ARHGAP17: variants seen among roughly 807,000 people sequenced by gnomAD.
ARHGAP17 encodes the protein rho GTPase-activating protein 17.
A neutral mutation model predicts 99.5 loss-of-function variants in ARHGAP17; 57 were observed. The observed-to-expected ratio is 0.57, with a 90% CI of 0.46 to 0.71. The LOEUF (loss-of-function observed/expected upper bound fraction) is 0.71, where lower values mean the gene tolerates loss of function less well. Ranked by LOEUF, ARHGAP17 falls within the 30% of genes least tolerant of loss-of-function variation. The pLI is 0.00. For synonymous variants in ARHGAP17, 417 were observed against 429.6 expected, an observed-to-expected ratio of 0.97 and a Z score of 0.36; for missense variants, 1,000 against 1,122.4, an observed-to-expected ratio of 0.89 and a Z score of 1.56.
intron 10 of ARHGAP17, 23 bp from the exon 11 acceptor site, chr16:24,953,065 A>C (rs1378029470): frequency 6.2e-7 from 1 of 1,610,566 alleles, no homozygotes; most frequent in Non-Finnish European, 8.5e-7. Context: ...AAAAGCCATC[A>C]GCATCAAGTG....
At chr16:24,947,660 G>T in intron 13 of ARHGAP17, 65 bp from the exon 14 acceptor site, 1 of 1,401,350 alleles carries the variant, frequency 7.1e-7, no homozygotes, top group Non-Finnish European at 1.0e-6. Context: ...TTCTCTTCCT[G>T]CCTGGGTGCA....
At chr16:24,993,737 G>A (rs550163620) in intron 1 of ARHGAP17, among the ~76,000 whole-genome samples, 96 of 152,204 alleles carry the variant, frequency 6.3e-4, no homozygotes, top group African/African-American at 2.2e-3. Flanking sequence ...GAGTACCTTC[G>A]AGGCCATGGA....
At chr16:24,922,617 G>A (rs532249330) in intron 19 of ARHGAP17, among the ~76,000 whole-genome samples, 2 of 152,016 alleles carry the variant, frequency 1.3e-5, no homozygotes, top group African/African-American at 4.8e-5. Context: ...AAAGAATTAC[G>A]GCAACCTGTA....
At chr16:24,950,836 C>CAAAAAAAA (rs1177614713) in intron 12 of ARHGAP17, among the ~76,000 whole-genome samples, 118 of 38,946 alleles carry the variant, frequency 3.0e-3, no homozygotes, top group East Asian at 4.2e-3. Flanking sequence ...GACTCCAACT[C>CAAAAAAAA]AAAAAAAAAA....
intron 15 of ARHGAP17, among the ~76,000 whole-genome samples, chr16:24,943,049 A>G (rs2051362010): frequency 6.6e-6 from 1 of 152,180 alleles, no homozygotes; most frequent in Non-Finnish European, 1.5e-5. Context: ...GGGACATGGC[A>G]GCAGGGTTGC....
chr16:24,991,557 C>T (rs1056305864), intron 1 of ARHGAP17, among the ~76,000 whole-genome samples: 20 of 152,042 alleles, frequency 1.3e-4, no homozygotes, highest in Non-Finnish European at 2.1e-4. Context: ...GTGACAACAC[C>T]GTGTGGGATG....
chr16:24,947,794 GAAGAA>G (rs2051518565), intron 13 of ARHGAP17, among the ~76,000 whole-genome samples, 199 bp from the exon 14 acceptor site: 1 of 152,170 alleles, frequency 6.6e-6, no homozygotes, highest in Non-Finnish European at 1.5e-5. Flanking sequence ...GGGCTTGGAA[GAAGAA>G]AATAGGTTAA....
rs113901035 is a variant in ARHGAP17 at position 24,949,918 on chromosome 16, C to T, written c.1047-434G>A. On this transcript the variant is annotated intron_variant, in intron 12 of 19. Coordinates refer to ENST00000289968, the MANE Select transcript of ARHGAP17 (RefSeq NM_001006634.3). ...GCACCCAGACCTCTGGGTCTTTCCTCGCTTGCAATACTGCAAACTGGCTGC... is the reference window on the plus strand; with the variant it reads ...GCACCCAGACCTCTGGGTCTTTCCTTGCTTGCAATACTGCAAACTGGCTGC... Among the ~76,000 whole-genome samples, 110 of 152,298 alleles carry T rather than the reference C, an allele frequency of 7.2e-4. 2 individuals carry two copies. Among genetic ancestry groups the T allele is most frequent in the African/African-American group, 2.5e-3 (105 of 41,564 alleles).
Position 24,970,559 on chromosome 16 carries a change from G to C in ARHGAP17, c.220C>G (p.Leu74Val), listed in dbSNP as rs763284866. 1 of 1,614,208 alleles carries C rather than the reference G, an allele frequency of 6.2e-7. No homozygotes were observed. Among genetic ancestry groups the C allele is most frequent in the Admixed American group, 1.7e-5 (1 of 60,028 alleles). The change falls in exon 4 of 20, where the codon CTT becomes GTT. Residue 74 changes from leucine (L) to valine (V), a missense_variant. Coordinates refer to ENST00000289968, the MANE Select transcript of ARHGAP17 (RefSeq NM_001006634.3). ...GATGCTTCTTGCATATTTTGAGCAAGAGCTGTCAGAGGCAGTTTTTTCTGG... is the reference window on the plus strand; with the variant it reads ...GATGCTTCTTGCATATTTTGAGCAACAGCTGTCAGAGGCAGTTTTTTCTGG... ...RRHKKLPLTALAQNMQEASTQ... is the reference protein window; with the variant it reads ...RRHKKLPLTAVAQNMQEASTQ...
intron 18 of ARHGAP17, among the ~76,000 whole-genome samples, chr16:24,933,042 A>G (rs979212749): frequency 9.2e-5 from 14 of 152,184 alleles, no homozygotes; most frequent in African/African-American, 3.4e-4. Context: ...TTCACAGAGA[A>G]GAAAACTGAG....
chr16:25,003,627 C>T (rs1297660071), intron 1 of ARHGAP17, among the ~76,000 whole-genome samples: 2 of 152,006 alleles, frequency 1.3e-5, no homozygotes, highest in African/African-American at 4.8e-5. Flanking sequence ...AGTTCCAGAT[C>T]AGCCTGGCCA....
At chr16:24,992,944 C>T (rs750946391) in intron 1 of ARHGAP17, among the ~76,000 whole-genome samples, 2 of 152,184 alleles carry the variant, frequency 1.3e-5, no homozygotes, top group Admixed American at 6.5e-5. Context: ...AGACTACAGG[C>T]ATACACCACC....
intron 6 of ARHGAP17, among the ~76,000 whole-genome samples, chr16:24,967,676 T>C (rs2052228069): frequency 6.7e-6 from 1 of 149,844 alleles, no homozygotes; most frequent in African/African-American, 2.5e-5. Context: ...TAGTCCCAGC[T>C]ACCTGGGATG....
intron 7 of ARHGAP17, among the ~76,000 whole-genome samples, chr16:24,962,808 A>G (rs57262929): frequency 0.034 from 5,194 of 152,328 alleles, 240 homozygotes; most frequent in African/African-American, 0.1. Context: ...GTAGTATCAA[A>G]AAGATTTGAA....
chr16:24,985,167 C>T (rs1263301499), intron 1 of ARHGAP17, among the ~76,000 whole-genome samples: 2 of 149,020 alleles, frequency 1.3e-5, no homozygotes, highest in African/African-American at 5.1e-5. Context: ...CAGGATGCTA[C>T]TGACTATCCT....
intron 14 of ARHGAP17, among the ~76,000 whole-genome samples, chr16:24,944,677 C>T (rs1159892860): frequency 2.0e-5 from 3 of 152,032 alleles, no homozygotes; most frequent in East Asian, 3.9e-4. Context: ...AGTGCAGTGG[C>T]GCTATCTCAG....
At position 24,931,142 on chromosome 16, in the gene ARHGAP17, A is replaced by AG. The variant is rs771557175; in HGVS notation, c.2156dup (p.Thr720TyrfsTer13). The AG allele has an allele frequency of 1.9e-6, 3 of 1,602,894 alleles. No individual in the cohort carries two copies. Among genetic ancestry groups the AG allele is most frequent in the South Asian group, 2.2e-5 (2 of 89,060 alleles). Reference sequence around the variant, plus strand: ...TGTGCATCAGTGGCGTGGCCTGCGTAGGGGGCTGCGGCGGTGGGTGATTGG... The same window carrying AG: ...TGTGCATCAGTGGCGTGGCCTGCGTAGGGGGGCTGCGGCGGTGGGTGATTGG... On this transcript the variant is annotated frameshift_variant, in exon 19 of 20. Coordinates refer to ENST00000289968, the MANE Select transcript of ARHGAP17 (RefSeq NM_001006634.3). LOFTEE classifies it high-confidence loss of function.
chr16:24,993,923 A>G (rs2053122552), intron 1 of ARHGAP17, among the ~76,000 whole-genome samples: 1 of 152,226 alleles, frequency 6.6e-6, no homozygotes. Context: ...CAAAGGAGGG[A>G]ACATTTTGAA....
chr16:24,930,690 G>C, intron 19 of ARHGAP17, 94 bp downstream of exon 19: 1 of 1,609,468 alleles, frequency 6.2e-7, no homozygotes, highest in Non-Finnish European at 8.5e-7. Flanking sequence ...GTAGTTTGCT[G>C]ACACCTGGCA....
Sources: gnomAD v4.1 joint callset for allele counts (sites outside exome capture counted in the v4.1 genomes callset) on GRCh38, gnomAD v4.1.1 for gene constraint, MANE v1.5 for transcripts, NCBI Gene and HGNC (gene_info 2026-07-23, HGNC 2026-07-21) for gene names.